The following PRKAR2B variants were observed in gnomAD, a reference collection of about 807,000 sequenced individuals.
The protein encoded by PRKAR2B is cAMP-dependent protein kinase type II-beta regulatory subunit.
In PRKAR2B, 14 loss-of-function variants were observed where a neutral mutation model predicts 49.9. The ratio of observed to expected loss-of-function variants is 0.28; its 90% confidence interval spans 0.19 to 0.44. PRKAR2B has a LOEUF of 0.44. PRKAR2B is among the 20% of genes least tolerant of loss of function. The pLI, the probability that PRKAR2B is intolerant of heterozygous loss-of-function variation, is 1.00. For missense variants in PRKAR2B, 393 were observed against 537.9 expected (o/e 0.73, Z 2.67); for synonymous variants, 196 against 197.7 (o/e 0.99, Z 0.07).
At chr7:107,090,839 C>T (rs888668360) in intron 2 of PRKAR2B, among the ~76,000 whole-genome samples, 5 of 152,154 alleles carry the variant, frequency 3.3e-5, no homozygotes, top group African/African-American at 9.7e-5. Flanking sequence ...CATAGAATGA[C>T]AGGAAATAAC....
At position 107,072,970 on chromosome 7, in the gene PRKAR2B, G is replaced by A. The variant is rs565673376; in HGVS notation, c.343+2654G>A. 4.9e-4 allele frequency among the ~76,000 whole-genome samples: 75 copies of A among 152,182 alleles called. 2 individuals are homozygous for A. In the South Asian group the frequency reaches 0.015, roughly 30 times the overall value. Reference sequence around the variant, plus strand: ...TTTATTCATCTGTTTTTAAATTAAAGTTACAACAGTAAATGCTATATGTAT... The same window carrying A: ...TTTATTCATCTGTTTTTAAATTAAAATTACAACAGTAAATGCTATATGTAT... On this transcript the variant is annotated intron_variant, in intron 2 of 10. Coordinates refer to ENST00000265717, the MANE Select transcript of PRKAR2B (RefSeq NM_002736.3).
chr7:107,088,760 C>G (rs549436459), intron 2 of PRKAR2B, among the ~76,000 whole-genome samples: 1 of 152,028 alleles, frequency 6.6e-6, no homozygotes, highest in East Asian at 1.9e-4. Flanking sequence ...TTACCACGCC[C>G]GGCTAATTTT....
intron 2 of PRKAR2B, among the ~76,000 whole-genome samples, chr7:107,109,204 T>C (rs1296094272): frequency 6.6e-6 from 1 of 152,194 alleles, no homozygotes; most frequent in African/African-American, 2.4e-5. Flanking sequence ...CTATAATTCC[T>C]AGTCCTAGCT....
intron 2 of PRKAR2B, among the ~76,000 whole-genome samples, chr7:107,101,045 A>G (rs1309442966): frequency 1.3e-5 from 2 of 151,164 alleles, no homozygotes; most frequent in Admixed American, 6.6e-5. Context: ...TTCTCTGCAT[A>G]TCTTACAAGT....
intron 4 of PRKAR2B, among the ~76,000 whole-genome samples, chr7:107,135,393 C>T (rs1191414665): frequency 1.3e-5 from 2 of 151,950 alleles, no homozygotes; most frequent in Admixed American, 1.3e-4. Flanking sequence ...CTGGCTAATG[C>T]AATAAGACAA....
Position 107,060,214 on chromosome 7 carries a change from G to A in PRKAR2B, c.308-10067G>A, listed in dbSNP as rs1292768122. ...GAGAGTATATAGAGATTTTGAGATC[G>A]AAAAGTTTGTGGACTGCTGCTATAG... On this transcript the variant is annotated intron_variant, in intron 1 of 10. Transcript: ENST00000265717. 3.3e-5 allele frequency among the ~76,000 whole-genome samples: 5 copies of A among 152,088 alleles called. No individual in the cohort carries two copies. The East Asian group carries it at 5.8e-4, about 18-fold the overall frequency.
At chr7:107,056,030 A>G (rs1225480763) in intron 1 of PRKAR2B, among the ~76,000 whole-genome samples, 3 of 152,236 alleles carry the variant, frequency 2.0e-5, no homozygotes, top group Non-Finnish European at 2.9e-5. Flanking sequence ...AGCTTCCTAC[A>G]TATGGCTAGC....
intron 1 of PRKAR2B, among the ~76,000 whole-genome samples, chr7:107,053,907 GTTATT>G (rs1166534298): frequency 1.3e-5 from 2 of 152,278 alleles, no homozygotes; most frequent in Non-Finnish European, 2.9e-5. Context: ...AGTATTTCAG[GTTATT>G]TTGTTAGGAG....
chr7:107,070,151 G>A lies in PRKAR2B; in HGVS notation c.308-130G>A. 2 of 536,242 alleles carry A rather than the reference G, an allele frequency of 3.7e-6. 1 individual carries two copies. The highest frequency in any genetic ancestry group is 5.6e-5 in the South Asian group (2 of 35,570). 33.2% of individuals were successfully genotyped at this position (536,242 alleles called of 1,614,324 possible). A position where few individuals can be genotyped will look rare whatever the true frequency, so the allele number is the denominator to read the frequency against. ...CAGCATTTAATTTTTGTATATTCATGGTATTTCCTCTTATTTATTCATCTT... is the reference window on the plus strand; with the variant it reads ...CAGCATTTAATTTTTGTATATTCATAGTATTTCCTCTTATTTATTCATCTT... On this transcript the variant is annotated intron_variant, in intron 1 of 10. Coordinates refer to ENST00000265717, the MANE Select transcript of PRKAR2B (RefSeq NM_002736.3).
At chr7:107,135,957 A>G (rs559427673) in intron 4 of PRKAR2B, among the ~76,000 whole-genome samples, 27 of 152,310 alleles carry the variant, frequency 1.8e-4, no homozygotes, top group Admixed American at 9.8e-4. Flanking sequence ...AATAATCAAG[A>G]CAGTATAGTA....
At chr7:107,135,896 C>A (rs1467210779) in intron 4 of PRKAR2B, among the ~76,000 whole-genome samples, 2 of 152,060 alleles carry the variant, frequency 1.3e-5, no homozygotes, top group East Asian at 3.8e-4. Flanking sequence ...AGGAAAAGAA[C>A]AAAGTTAAAG....
chr7:107,073,851 A>C (rs909416704), intron 2 of PRKAR2B, among the ~76,000 whole-genome samples: 2 of 151,994 alleles, frequency 1.3e-5, no homozygotes, highest in Non-Finnish European at 2.9e-5. Context: ...ACTAGAGGTC[A>C]GGAGTTCGAG....
chr7:107,093,507 T>C (rs1794771544), intron 2 of PRKAR2B, among the ~76,000 whole-genome samples: 1 of 113,100 alleles, frequency 8.8e-6, no homozygotes, highest in Non-Finnish European at 2.0e-5. Context: ...TGCCCACTTT[T>C]TTTTCTTTTT....
intron 2 of PRKAR2B, among the ~76,000 whole-genome samples, chr7:107,084,957 G>T (rs539374259): frequency 1.3e-4 from 20 of 152,126 alleles, no homozygotes; most frequent in African/African-American, 4.8e-4. Context: ...AAATCAAACA[G>T]AAGATTAATA....
intron 1 of PRKAR2B, among the ~76,000 whole-genome samples, chr7:107,065,975 C>G (rs1362775752): frequency 6.6e-6 from 1 of 152,180 alleles, no homozygotes; most frequent in Non-Finnish European, 1.5e-5. Context: ...AGTTACACTT[C>G]TGGGTCTCTT....
At chr7:107,149,624 C>T (rs1156774721) in intron 6 of PRKAR2B, among the ~76,000 whole-genome samples, 1 of 152,088 alleles carries the variant, frequency 6.6e-6, no homozygotes, top group Non-Finnish European at 1.5e-5. Flanking sequence ...CTAATACTAT[C>T]CTGGGTGATT....
At chr7:107,140,985 GA>G in intron 5 of PRKAR2B, 32 bp downstream of exon 5, 1 of 1,484,432 alleles carries the variant, frequency 6.7e-7, no homozygotes, top group Non-Finnish European at 9.4e-7. Flanking sequence ...TATTGAAATT[GA>G]AAGAACCTTT....
intron 2 of PRKAR2B, among the ~76,000 whole-genome samples, chr7:107,071,466 A>G (rs551623041): frequency 6.6e-6 from 1 of 152,206 alleles, no homozygotes; most frequent in South Asian, 2.1e-4. Context: ...GGTGAAAACA[A>G]GTGTAGATTG....
chr7:107,103,562 C>T (rs990190511), intron 2 of PRKAR2B, among the ~76,000 whole-genome samples: 1 of 152,184 alleles, frequency 6.6e-6, no homozygotes, highest in Admixed American at 6.5e-5. Context: ...TCCTGGCTGC[C>T]GCAAACAGAC....
Sources: allele counts gnomAD v4.1 joint callset (sites outside exome capture counted in the v4.1 genomes callset), GRCh38; gene constraint gnomAD v4.1.1; transcripts MANE v1.5; gene names NCBI Gene and HGNC (gene_info 2026-07-23, HGNC 2026-07-21).